The following CFDP1 variants were observed in gnomAD, a reference collection of about 807,000 sequenced individuals.
The protein encoded by CFDP1 is chromatin remodeling protein CFDP1.
A neutral mutation model predicts 40.1 loss-of-function variants in CFDP1; 31 were observed. The ratio of observed to expected loss-of-function variants is 0.77; its 90% CI spans 0.58 to 1.04. CFDP1 has a LOEUF of 1.04. Among genes scored for constraint, CFDP1 ranks in the 50% least tolerant of loss-of-function variants. CFDP1 has a pLI of 0.00. For synonymous variants in CFDP1, 167 were observed against 120.0 expected (o/e 1.39, Z -2.56); for missense variants, 423 against 343.4 (o/e 1.23, Z -1.83).
intron 5 of CFDP1, among the ~76,000 whole-genome samples, chr16:75,323,598 T>C (rs1005904106): frequency 1.3e-5 from 2 of 152,120 alleles, no homozygotes; most frequent in Admixed American, 6.5e-5. Context: ...CTGACTAACA[T>C]GGTGAAACCC....
At chr16:75,344,049 G>C (rs1221272353) in intron 5 of CFDP1, among the ~76,000 whole-genome samples, 1 of 152,160 alleles carries the variant, frequency 6.6e-6, no homozygotes, top group Non-Finnish European at 1.5e-5. Context: ...TAATTTTAGA[G>C]GTCTTATTTA....
rs59846343 is a variant in CFDP1 at position 75,306,877 on chromosome 16, T to TCACACA, written c.651-1701_651-1696dup. 5.2e-3 allele frequency among the ~76,000 whole-genome samples: 711 copies of TCACACA among 135,644 alleles called. 6 individuals are homozygous for TCACACA. Among genetic ancestry groups the TCACACA allele is most frequent in the African/African-American group, 0.019 (622 of 33,208 alleles). 89.0% of individuals were successfully genotyped at this position (135,644 alleles called of 152,430 possible). A position where few individuals can be genotyped will look rare whatever the true frequency, so the allele number is the denominator to read the frequency against. On this transcript the variant is annotated intron_variant, in intron 5 of 6. Transcript: ENST00000283882. ...CCTACAATGTCATATGTGCGCGTGA[T>TCACACA]CACACACACACACACACACACACAC...
At chr16:75,416,125 TACAGAC>T (rs2079202703) in intron 1 of CFDP1, among the ~76,000 whole-genome samples, 2 of 152,244 alleles carry the variant, frequency 1.3e-5, no homozygotes, top group South Asian at 4.1e-4. Flanking sequence ...GTGCTGCGAT[TACAGAC>T]AGGAGCCACC....
chr16:75,353,291 T>C (rs1286943106), intron 5 of CFDP1, among the ~76,000 whole-genome samples: 3 of 152,210 alleles, frequency 2.0e-5, no homozygotes, highest in African/African-American at 7.2e-5. Context: ...TTATTTTTTC[T>C]TAGGTATGTG....
intron 5 of CFDP1, among the ~76,000 whole-genome samples, chr16:75,352,429 C>T (rs140935091): frequency 6.6e-6 from 1 of 151,804 alleles, no homozygotes; most frequent in East Asian, 1.9e-4. Context: ...GAATTGGGAA[C>T]CAAACAGAGA....
intron 5 of CFDP1, among the ~76,000 whole-genome samples, chr16:75,354,171 A>G (rs1038803269): frequency 6.6e-6 from 1 of 152,256 alleles, no homozygotes; most frequent in Non-Finnish European, 1.5e-5. Flanking sequence ...AAGTGTTGTG[A>G]GCACATTTAA....
At position 75,341,088 on chromosome 16, in the gene CFDP1, C is replaced by T. The variant is rs548328417; in HGVS notation, c.651-35906G>A. Among the ~76,000 whole-genome samples, 38 of 152,320 alleles carry T rather than the reference C, an allele frequency of 2.5e-4. No homozygotes were observed. The South Asian group carries it at 5.2e-3, about 21-fold the overall frequency. On this transcript the variant is annotated intron_variant, in intron 5 of 6. Coordinates refer to ENST00000283882, the MANE Select transcript of CFDP1 (RefSeq NM_006324.3). ...ACACACTGGGCATGCACAGTGCTTC[C>T]ACTCCCAGAGCACTTTCTAATGCTT...
chr16:75,426,256 A>T (rs1359926600), intron 1 of CFDP1, among the ~76,000 whole-genome samples: 1 of 151,844 alleles, frequency 6.6e-6, no homozygotes, highest in African/African-American at 2.4e-5. Context: ...AGGCTGAGGC[A>T]GGAGAATCCC....
intron 5 of CFDP1, among the ~76,000 whole-genome samples, chr16:75,331,617 A>ACAT (rs1216850828): frequency 6.6e-6 from 1 of 152,200 alleles, no homozygotes; most frequent in African/African-American, 2.4e-5. Flanking sequence ...TTTGAACTTT[A>ACAT]TGTAGATGGA....
intron 5 of CFDP1, among the ~76,000 whole-genome samples, chr16:75,352,526 A>G (rs768846632): frequency 1.3e-4 from 20 of 152,328 alleles, no homozygotes; most frequent in Non-Finnish European, 2.8e-4. Context: ...TCATAACCAT[A>G]AGTGTAATAA....
At chr16:75,356,902 G>C (rs972423586) in intron 5 of CFDP1, among the ~76,000 whole-genome samples, 1 of 129,018 alleles carries the variant, frequency 7.8e-6, no homozygotes, top group Admixed American at 8.4e-5. Flanking sequence ...GGAAACAGCT[G>C]CTTTCTTTCT....
intron 5 of CFDP1, among the ~76,000 whole-genome samples, chr16:75,331,515 C>T (rs923796306): frequency 1.3e-5 from 2 of 152,178 alleles, no homozygotes; most frequent in African/African-American, 4.8e-5. Context: ...TAGAACATTT[C>T]CACCATCACA....
chr16:75,297,266 C>T lies in CFDP1; in HGVS notation c.810-3224G>A, dbSNP rs1480781389. Among the ~76,000 whole-genome samples, 4 of 151,600 alleles carry T rather than the reference C, an allele frequency of 2.6e-5. No homozygotes were observed. In the South Asian group the frequency reaches 6.3e-4, roughly 24 times the overall value. ...AACTCCTGGCCTCAAGTAATCTGCC[C>T]GCCTCAGCCTCCCGAAGTGCTGGGA... On this transcript the variant is annotated intron_variant, in intron 6 of 6. Transcript: ENST00000283882.
intron 5 of CFDP1, among the ~76,000 whole-genome samples, chr16:75,377,656 C>T (rs1006291826): frequency 4.6e-5 from 7 of 152,180 alleles, no homozygotes; most frequent in African/African-American, 1.7e-4. Flanking sequence ...GGAAGAAAAA[C>T]ATGAAGTCAC....
intron 1 of CFDP1, among the ~76,000 whole-genome samples, chr16:75,427,547 G>A (rs1224667185): frequency 6.6e-6 from 1 of 151,976 alleles, no homozygotes; most frequent in Admixed American, 6.6e-5. Context: ...CACCGCGCTC[G>A]GCCCCAAATT....
intron 4 of CFDP1, among the ~76,000 whole-genome samples, chr16:75,404,613 T>A (rs776431029): frequency 3.8e-4 from 58 of 152,098 alleles, no homozygotes; most frequent in Admixed American, 5.9e-4. Context: ...ATGTAGTATT[T>A]TTGTCTAACA....
At chr16:75,428,389 G>C (rs1475722943) in intron 1 of CFDP1, among the ~76,000 whole-genome samples, 1 of 152,142 alleles carries the variant, frequency 6.6e-6, no homozygotes, top group African/African-American at 2.4e-5. Flanking sequence ...GCCGAAGCAA[G>C]TGGATCACAA....
intron 1 of CFDP1, among the ~76,000 whole-genome samples, chr16:75,423,455 T>G (rs2079302136): frequency 6.6e-6 from 1 of 151,950 alleles, no homozygotes. Context: ...CTCAGCCCAG[T>G]AGCTGGGACT....
At chr16:75,427,851 C>G (rs2079358722) in intron 1 of CFDP1, among the ~76,000 whole-genome samples, 1 of 152,204 alleles carries the variant, frequency 6.6e-6, no homozygotes, top group South Asian at 2.1e-4. Context: ...CAGTGTCTTT[C>G]AAATGCAGAA....
Sources: allele counts gnomAD v4.1 joint callset (sites outside exome capture counted in the v4.1 genomes callset), GRCh38; gene constraint gnomAD v4.1.1; transcripts MANE v1.5; gene names NCBI Gene and HGNC (gene_info 2026-07-23, HGNC 2026-07-21).